AGBL4: variants seen among roughly 807,000 people sequenced by gnomAD.
AGBL4 encodes AGBL carboxypeptidase 4, also known as cytosolic carboxypeptidase 6.
Under a neutral mutation model 66.4 loss-of-function variants are expected in AGBL4, and 58 were observed. The observed-to-expected ratio is 0.87, with a 90% CI of 0.71 to 1.09. The LOEUF (loss-of-function observed/expected upper bound fraction) is 1.09. Among genes scored for constraint, AGBL4 ranks in the 50% least tolerant of loss-of-function variants. The pLI, the probability that AGBL4 is intolerant of heterozygous loss-of-function variation, is 0.00. For synonymous variants in AGBL4, 234 were observed against 222.9 expected, an observed-to-expected ratio of 1.05 and a Z score of -0.44; for missense variants, 579 against 631.0, an observed-to-expected ratio of 0.92 and a Z score of 0.88.
At chr1:49,071,222 G>GT (rs767119844) in intron 4 of AGBL4, among the ~76,000 whole-genome samples, 3 of 151,860 alleles carry the variant, frequency 2.0e-5, no homozygotes, top group African/African-American at 7.3e-5. Context: ...TTTTTGAAGG[G>GT]TTTTTTGTGT....
chr1:49,637,649 T>C (rs1355655556), intron 3 of AGBL4, among the ~76,000 whole-genome samples: 1 of 152,154 alleles, frequency 6.6e-6, no homozygotes, highest in East Asian at 1.9e-4. Context: ...TTGAAGTATG[T>C]TATATTTAAA....
At chr1:49,765,762 A>C (rs1652687537) in intron 2 of AGBL4, among the ~76,000 whole-genome samples, 1 of 152,126 alleles carries the variant, frequency 6.6e-6, no homozygotes, top group South Asian at 2.1e-4. Flanking sequence ...GAACAATGGA[A>C]ATTGAAAAAC....
chr1:49,772,097 T>C (rs1026188868), intron 2 of AGBL4, among the ~76,000 whole-genome samples: 2 of 152,130 alleles, frequency 1.3e-5, no homozygotes, highest in Non-Finnish European at 2.9e-5. Context: ...TGTGGTTGTC[T>C]GTGGTACTCA....
the AGBL4 span, among the ~76,000 whole-genome samples, chr1:48,522,849 C>G: frequency 6.6e-6 from 1 of 151,728 alleles, no homozygotes; most frequent in African/African-American, 2.4e-5. Context: ...TCGCTTGAAC[C>G]TGGGAGACAG....
At chr1:50,016,645 C>A (rs1662007197) in intron 1 of AGBL4, among the ~76,000 whole-genome samples, 1 of 152,088 alleles carries the variant, frequency 6.6e-6, no homozygotes, top group Non-Finnish European at 1.5e-5. Context: ...GGCCAACAAG[C>A]AATGCTCAGC....
intron 5 of AGBL4, among the ~76,000 whole-genome samples, chr1:48,919,312 T>C (rs1375427528): frequency 7.2e-5 from 11 of 152,156 alleles, no homozygotes; most frequent in Admixed American, 7.2e-4. Flanking sequence ...TGGACCACAA[T>C]TTGAAAATCA....
At chr1:48,676,835 A>G (rs1442303449) in intron 6 of AGBL4, among the ~76,000 whole-genome samples, 1 of 152,060 alleles carries the variant, frequency 6.6e-6, no homozygotes, top group Non-Finnish European at 1.5e-5. Flanking sequence ...AGAACACCCC[A>G]CTGACTGCCC....
At chr1:49,523,454 C>A (rs1221919630) in intron 3 of AGBL4, among the ~76,000 whole-genome samples, 1 of 151,944 alleles carries the variant, frequency 6.6e-6, no homozygotes, top group Non-Finnish European at 1.5e-5. Flanking sequence ...ATATATAGTG[C>A]TTTGTGTAGC....
intron 3 of AGBL4, among the ~76,000 whole-genome samples, chr1:49,692,951 G>A (rs991978742): frequency 2.0e-5 from 3 of 152,092 alleles, no homozygotes; most frequent in South Asian, 2.1e-4. Flanking sequence ...ATTGAGAAAA[G>A]GAGTCAAAAT....
At chr1:49,755,589 T>G (rs537065794) in intron 2 of AGBL4, among the ~76,000 whole-genome samples, 1 of 152,292 alleles carries the variant, frequency 6.6e-6, no homozygotes, top group African/African-American at 2.4e-5. Context: ...AACATAGCTA[T>G]TCTTGAGCAC....
chr1:49,834,181 T>G (rs947846287), intron 2 of AGBL4, among the ~76,000 whole-genome samples: 1 of 152,206 alleles, frequency 6.6e-6, no homozygotes, highest in African/African-American at 2.4e-5. Flanking sequence ...TTTGTACCTC[T>G]GGTAGAATTC....
intron 3 of AGBL4, among the ~76,000 whole-genome samples, chr1:49,561,722 G>T (rs1305495): frequency 6.6e-6 from 1 of 152,026 alleles, no homozygotes; most frequent in Non-Finnish European, 1.5e-5. Context: ...GGATATTTGG[G>T]TTGGTTCCAA....
intron 1 of AGBL4, among the ~76,000 whole-genome samples, chr1:50,004,242 C>T (rs1283000344): frequency 6.6e-6 from 1 of 152,184 alleles, no homozygotes; most frequent in Non-Finnish European, 1.5e-5. Context: ...GGAACATTTA[C>T]ACCAGCCTTA....
intron 3 of AGBL4, among the ~76,000 whole-genome samples, chr1:49,362,449 C>CAAAAAAA (rs145467066): frequency 1.2e-5 from 1 of 80,904 alleles, no homozygotes; most frequent in African/African-American, 4.8e-5. Flanking sequence ...GACCCTGTCT[C>CAAAAAAA]AAAAAAAAAA....
At chr1:48,813,196 A>T (rs1390199129) in intron 6 of AGBL4, among the ~76,000 whole-genome samples, 1 of 152,160 alleles carries the variant, frequency 6.6e-6, no homozygotes, top group Non-Finnish European at 1.5e-5. Context: ...CCTAACCCAG[A>T]TTGGAGGCAA....
chr1:49,481,648 C>A (rs1230205184), intron 3 of AGBL4, among the ~76,000 whole-genome samples: 1 of 151,894 alleles, frequency 6.6e-6, no homozygotes, highest in Non-Finnish European at 1.5e-5. Context: ...CTGGCCAGAA[C>A]TTCTAATACT....
At chr1:48,587,784 A>C (rs113826252) in intron 10 of AGBL4, among the ~76,000 whole-genome samples, 23,965 of 150,344 alleles carry the variant, frequency 0.16, 2,074 homozygotes, top group South Asian at 0.2. Context: ...CTGGGACTAC[A>C]GGTGCCCACC....
intron 4 of AGBL4, among the ~76,000 whole-genome samples, chr1:49,225,734 T>A (rs1649862774): frequency 6.6e-6 from 1 of 152,188 alleles, no homozygotes; most frequent in African/African-American, 2.4e-5. Flanking sequence ...TCCTTTGGAT[T>A]ATAAGGTCAT....
intron 2 of AGBL4, among the ~76,000 whole-genome samples, chr1:49,745,466 T>C (rs892489446): frequency 1.3e-5 from 2 of 152,018 alleles, no homozygotes; most frequent in Admixed American, 1.3e-4. Context: ...AGTCTATATG[T>C]ATAAGAGAAA....
Sources: allele counts gnomAD v4.1 joint callset (sites outside exome capture counted in the v4.1 genomes callset), GRCh38; gene constraint gnomAD v4.1.1; transcripts MANE v1.5; gene names NCBI Gene and HGNC (gene_info 2026-07-23, HGNC 2026-07-21).